The following LRP2 variants were observed in gnomAD, a reference collection of about 807,000 sequenced individuals.
LRP2 encodes low-density lipoprotein receptor-related protein 2.
LRP2 carries 172 observed loss-of-function variants against 531.0 expected under a neutral mutation model. The ratio of observed to expected loss-of-function variants is 0.32; its 90% CI spans 0.29 to 0.37. The LOEUF (loss-of-function observed/expected upper bound fraction) is 0.37, where lower values mean the gene tolerates loss of function less well. LRP2 is among the 10% of genes least tolerant of loss of function. The pLI is 1.00. For synonymous variants in LRP2, 1,992 were observed against 2,027.6 expected, an observed-to-expected ratio of 0.98 and a Z score of 0.47; for missense variants, 5,167 against 5,868.3, an observed-to-expected ratio of 0.88 and a Z score of 3.90.
rs1455374410 is a variant in LRP2, at chr2:169,241,265, G to A, written c.3768C>T (p.Cys1256=). 8 of 1,614,198 alleles carry A rather than the reference G, an allele frequency of 5.0e-6. No homozygotes were observed. Among genetic ancestry groups the A allele is most frequent in the East Asian group, 2.2e-5 (1 of 44,888 alleles). ...CATTGTGCTCATCAGATCCATAGAG[G>A]CAGTCTGGATGCCCATCACATTCCC... is the stretch of plus-strand genomic sequence containing the variant. ...NFWECDGHPD[C]LYGSDEHNAC... The change falls in exon 25 of 79, where the codon TGC becomes TGT. Residue 1256 remains cysteine, a synonymous_variant. Transcript: ENST00000649046.
chr2:169,127,135 CT>C lies in LRP2; in HGVS notation c.*1527del, dbSNP rs1427916327. On this transcript the variant is annotated 3_prime_UTR_variant, in exon 79 of 79. Coordinates refer to ENST00000649046, the MANE Select transcript of LRP2 (RefSeq NM_004525.3). ...CTGATAAAATACACATTTATTAGAA[CT>C]TTTTCAGCAGCATTATTTCCAGTTG... 2.0e-5 allele frequency: 3 copies of C among 152,548 alleles called. No individual in the cohort carries two copies. The highest frequency in any genetic ancestry group is 7.2e-5 in the African/African-American group (3 of 41,412). The allele number at this position is 152,548 out of a possible 1,614,324, so 9.4% of individuals were successfully genotyped here. A position where few individuals can be genotyped will look rare whatever the true frequency, so the allele number is the denominator to read the frequency against.
At position 169,256,414 on chromosome 2, in the gene LRP2, C is replaced by G. The variant is rs114881243; in HGVS notation, c.2640-178G>C. ...TATGTCCCCCAGAAAGAGACGGCTA[C>G]TTTTCATGAAGTGGCTTTCAATCAA... On this transcript the variant is annotated intron_variant, in intron 18 of 78. Coordinates refer to ENST00000649046, the MANE Select transcript of LRP2 (RefSeq NM_004525.3). Among the ~76,000 whole-genome samples, 507 of 151,920 alleles carry G rather than the reference C, an allele frequency of 3.3e-3. 1 individual carries two copies. Among genetic ancestry groups the G allele is most frequent in the African/African-American group, 0.012 (489 of 41,288 alleles).
At chr2:169,222,057 G>T (rs1689037641) in intron 33 of LRP2, among the ~76,000 whole-genome samples, 1 of 152,070 alleles carries the variant, frequency 6.6e-6, no homozygotes, top group Admixed American at 6.6e-5. Flanking sequence ...ACTACTCTTA[G>T]GCAGGAAGGA....
At position 169,199,057 on chromosome 2, in the gene LRP2, T is replaced by C; in HGVS notation, c.8453-146A>G. 7 of 743,118 alleles carry C rather than the reference T, an allele frequency of 9.4e-6. No homozygotes were observed. The South Asian group carries it at 1.1e-4, about 12-fold the overall frequency. 46.0% of individuals were successfully genotyped at this position (743,118 alleles called of 1,614,324 possible). A position where few individuals can be genotyped will look rare whatever the true frequency, so the allele number is the denominator to read the frequency against. ...GCCATCAGAAAGGCAGGATCCATGA[T>C]ACTTATGTTACCTATAGATTCTGTA... On this transcript the variant is annotated intron_variant, in intron 44 of 78. Coordinates refer to ENST00000649046, the MANE Select transcript of LRP2 (RefSeq NM_004525.3).
In LRP2 at chr2:169,294,702, T is replaced by C. The variant is rs1252716956; in HGVS notation, c.436A>G (p.Thr146Ala). Residue 146 changes from threonine to alanine, a missense_variant, in exon 5 of 79, where the codon ACA becomes GCA. Physicochemically the swap from Thr to Ala is moderately conservative, Grantham distance 58. Coordinates refer to ENST00000649046, the MANE Select transcript of LRP2 (RefSeq NM_004525.3). ...TTGTCACAAGTAAGCTGCTCACATG[T>C]TGGGTACTCTATTGTAAAAAAAAAA... ...GADENDCQYP[T>A]CEQLTCDNGA... 3 of 1,451,332 alleles carry C rather than the reference T, an allele frequency of 2.1e-6. No individual in the cohort carries two copies. The highest frequency in any genetic ancestry group is 1.9e-6 in the Non-Finnish European group (2 of 1,046,132). 89.9% of individuals were successfully genotyped at this position (1,451,332 alleles called of 1,614,324 possible).
rs1553496527 is a variant in LRP2 at position 169,207,164 on chromosome 2, T to G, written c.6556A>C (p.Lys2186Gln). Residue 2186 changes from lysine (K) to glutamine (Q), a missense_variant, in exon 39 of 79, where the codon AAA (lysine) becomes CAA (glutamine). Coordinates refer to ENST00000649046, the MANE Select transcript of LRP2 (RefSeq NM_004525.3). ...TGCCTAGGCATGTCCACTGTGACTT[T>G]AAGAAGAACACGGCGGTAAGTAGTA... ...INTTYRRVLL[K>Q]VTVDMPRHIV... The G allele has an allele frequency of 5.6e-6, 9 of 1,613,602 alleles. No individual in the cohort carries two copies. Among genetic ancestry groups the G allele is most frequent in the Non-Finnish European group, 7.6e-6 (9 of 1,179,824 alleles).
At chr2:169,293,972 G>A (rs575166949) in intron 6 of LRP2, among the ~76,000 whole-genome samples, 176 bp downstream of exon 6, 101 of 152,116 alleles carry the variant, frequency 6.6e-4, no homozygotes, top group African/African-American at 2.4e-3. Context: ...ACACCACAAA[G>A]GCTTGTGCCA....
In LRP2 at chr2:169,238,278, A is replaced by G. The variant is rs2105379039; in HGVS notation, c.4319T>C (p.Val1440Ala). Residue 1440 changes from valine (V) to alanine (A), a missense_variant, in exon 27 of 79, where the codon GTG (valine) becomes GCG (alanine). Transcript: ENST00000649046. ...VTASESLLLL[V>A]ASQNKIIADS... ...GGCAATAATTTTGTTCTGACTTGCCACAAGTAACAGCAGACTCTCAGATGC... is the reference window on the plus strand; with the variant it reads ...GGCAATAATTTTGTTCTGACTTGCCGCAAGTAACAGCAGACTCTCAGATGC... 1 of 1,614,100 alleles carries G rather than the reference A, an allele frequency of 6.2e-7. No individual in the cohort carries two copies. The highest frequency in any genetic ancestry group is 8.5e-7 in the Non-Finnish European group (1 of 1,179,938).
intron 76 of LRP2, among the ~76,000 whole-genome samples, chr2:169,136,765 C>T (rs141818489): frequency 0.018 from 2,765 of 152,058 alleles, 72 homozygotes; most frequent in African/African-American, 0.063. Context: ...GGACTCAGCC[C>T]GCCTGCACCC....
chr2:169,151,756 G>A (rs947673370), intron 67 of LRP2, among the ~76,000 whole-genome samples: 2 of 152,084 alleles, frequency 1.3e-5, no homozygotes, highest in Non-Finnish European at 1.5e-5. Flanking sequence ...CCATTCCCTG[G>A]TTGGTTTTCA....
rs1688293384 is a variant in LRP2, at chr2:169,204,080, T to A, written c.7907A>T (p.Gln2636Leu). The A allele has an allele frequency of 1.9e-6, 3 of 1,614,076 alleles. No homozygotes were observed. The highest frequency in any genetic ancestry group is 2.7e-5 in the African/African-American group (2 of 74,928). ...CACAACAGTGTTGATTCCCCTGGGC[T>A]GGGAGAGCAAATTTGTGGTCATTGC... ...QIAMTTNLLS[Q>L]PRGINTVVKN... The change falls in exon 42 of 79, where the codon CAG becomes CTG. Residue 2636 changes from glutamine (Q) to leucine (L), a missense_variant. This residue lies in a region of LRP2 where 1,129 missense variants were observed against 1,362.7 expected (regional missense o/e 0.83). Coordinates refer to ENST00000649046, the MANE Select transcript of LRP2 (RefSeq NM_004525.3).
chr2:169,346,227 C>T (rs1403671115), intron 1 of LRP2, among the ~76,000 whole-genome samples: 1 of 152,202 alleles, frequency 6.6e-6, no homozygotes, highest in Non-Finnish European at 1.5e-5. Context: ...CATGTTCTCT[C>T]GTCTGCACTG....
chr2:169,361,033 A>T (rs181927351), intron 1 of LRP2, among the ~76,000 whole-genome samples: 8 of 152,326 alleles, frequency 5.3e-5, no homozygotes. Context: ...AGGAAAATCA[A>T]TTTATTGCTT....
At chr2:169,180,536 G>C (rs976215655) in intron 52 of LRP2, among the ~76,000 whole-genome samples, 5 of 152,230 alleles carry the variant, frequency 3.3e-5, no homozygotes, top group East Asian at 3.8e-4. Flanking sequence ...CAGGAAGAAA[G>C]AGCACTGGCG....
chr2:169,142,979 A>T (rs565420968), intron 70 of LRP2, among the ~76,000 whole-genome samples, 186 bp from the exon 71 acceptor site: 8 of 152,270 alleles, frequency 5.3e-5, no homozygotes, highest in South Asian at 2.1e-4. Context: ...CTGCAGTGGG[A>T]TAGTCCCTCT....
At position 169,239,492 on chromosome 2, in the gene LRP2, G is replaced by A. The variant is rs765975922; in HGVS notation, c.4294+35C>T. 3.7e-6 allele frequency: 6 copies of A among 1,613,674 alleles called. No individual in the cohort carries two copies. The East Asian group carries it at 1.3e-4, about 36-fold the overall frequency. On this transcript the variant is annotated intron_variant, in intron 26 of 78. Transcript: ENST00000649046. The stretch of plus-strand genomic sequence containing the variant: ...CATTTGATTTTAAGCTCTGGGATGT[G>A]CTGATAAACTGGCTCGGGTTAGTTC...
At chr2:169,230,276 T>C (rs1033703696) in intron 31 of LRP2, among the ~76,000 whole-genome samples, 1 of 152,192 alleles carries the variant, frequency 6.6e-6, no homozygotes, top group African/African-American at 2.4e-5. Context: ...CACACTAAAT[T>C]AAACAATGTC....
intron 44 of LRP2, among the ~76,000 whole-genome samples, chr2:169,201,056 G>A (rs1021105215): frequency 2.0e-5 from 3 of 152,190 alleles, no homozygotes; most frequent in Admixed American, 6.5e-5. Flanking sequence ...CCAGTTCATA[G>A]GAAATAAGAG....
chr2:169,351,726 T>C (rs1320540713), intron 1 of LRP2, among the ~76,000 whole-genome samples: 1 of 152,184 alleles, frequency 6.6e-6, no homozygotes, highest in Non-Finnish European at 1.5e-5. Context: ...ATTGGCTTCA[T>C]GAATGTCAAG....
Sources: gnomAD v4.1 joint callset for allele counts (sites outside exome capture counted in the v4.1 genomes callset) on GRCh38, gnomAD v4.1.1 for gene constraint, gnomAD v4.1.1 regional missense constraint, MANE v1.5 for transcripts, NCBI Gene and HGNC (gene_info 2026-07-23, HGNC 2026-07-21) for gene names.